Variants in MVP observed in about 807,000 individuals in gnomAD.
MVP encodes major vault protein.
MVP carries 62 observed loss-of-function variants against 83.5 expected under a neutral mutation model. The observed-to-expected ratio is 0.74, with a 90% CI of 0.61 to 0.92. The LOEUF is 0.92. MVP is among the 40% of genes least tolerant of loss of function. MVP has a pLI of 0.00. For missense variants in MVP, 1,000 were observed against 1,203.4 expected (o/e 0.83, Z 2.50); for synonymous variants, 505 against 504.1 (o/e 1.00, Z -0.02).
At chr16:29,825,735 C>T (rs769280385) in intron 1 of MVP, among the ~76,000 whole-genome samples, 4 of 152,134 alleles carry the variant, frequency 2.6e-5, no homozygotes, top group Admixed American at 6.5e-5. Context: ...CCAGCTGGGG[C>T]GGCAGATGGT....
chr16:29,822,321 T>TAAA (rs58807414), intron 1 of MVP, among the ~76,000 whole-genome samples: 1 of 143,540 alleles, frequency 7.0e-6, no homozygotes, highest in African/African-American at 2.5e-5. Flanking sequence ...TGTGCTGCTT[T>TAAA]AAAAAAAAAA....
intron 7 of MVP, among the ~76,000 whole-genome samples, chr16:29,837,733 G>A (rs767272169): frequency 1.8e-4 from 27 of 151,802 alleles, no homozygotes; most frequent in Non-Finnish European, 2.9e-4. Flanking sequence ...TAGCCTGGGC[G>A]ATAGAGTGAG....
intron 6 of MVP, among the ~76,000 whole-genome samples, chr16:29,836,470 A>T (rs1412276196): frequency 6.8e-6 from 1 of 147,510 alleles, no homozygotes; most frequent in Non-Finnish European, 1.5e-5. Context: ...AGCTGTACTC[A>T]GGAGGCTGAG....
At chr16:29,835,042 G>C (rs11862065) in intron 5 of MVP, 2 of 152,046 alleles carry the variant, frequency 1.3e-5, no homozygotes, top group African/African-American at 4.8e-5. Flanking sequence ...CTGGGATGCA[G>C]AATGCAGGTT....
At chr16:29,845,819 T>A (rs1344536238) in intron 11 of MVP, 44 bp from the exon 12 acceptor site, 1 of 1,582,860 alleles carries the variant, frequency 6.3e-7, no homozygotes, top group East Asian at 2.2e-5. Flanking sequence ...CTGTTCCTGC[T>A]CTGGCCCCAT....
chr16:29,822,496 G>A (rs905738349), intron 1 of MVP: 1 of 152,124 alleles, frequency 6.6e-6, no homozygotes, highest in Admixed American at 6.6e-5. Flanking sequence ...ACTCTGTGAA[G>A]TTGTGTCCTT....
intron 1 of MVP, among the ~76,000 whole-genome samples, chr16:29,822,849 C>A (rs1187181056): frequency 6.6e-6 from 1 of 152,192 alleles, no homozygotes; most frequent in Non-Finnish European, 1.5e-5. Flanking sequence ...TCCCGAGTAG[C>A]TGAGACTACA....
In MVP at chr16:29,830,505, C is replaced by T; in HGVS notation, c.-35-10C>T. 4 of 1,605,448 alleles carry T rather than the reference C, an allele frequency of 2.5e-6. No homozygotes were observed. Among genetic ancestry groups the T allele is most frequent in the Admixed American group, 1.7e-5 (1 of 59,400 alleles). On this transcript the variant is annotated splice_polypyrimidine_tract_variant and intron_variant, in intron 1 of 14. Coordinates refer to ENST00000357402, the MANE Select transcript of MVP (RefSeq NM_005115.5). Reference sequence around the variant, plus strand: ...CAGGTTCATCCTGTGTCGTCTCCCCCACCTACCAGTCATCTTCTTGTGAGC... The same window carrying T: ...CAGGTTCATCCTGTGTCGTCTCCCCTACCTACCAGTCATCTTCTTGTGAGC...
chr16:29,841,840 G>T lies in MVP; in HGVS notation c.1436G>T (p.Arg479Leu). ...TACGACTACCGAGAGAAGCGAGCCC[G>T]GTGAGTGCTGGCAGCGCAGGGTGTA... is the stretch of plus-strand genomic sequence containing the variant. ...QVYDYREKRA[R>L]VVFGPELVSL... The change falls in exon 9 of 15, where the codon CGC becomes CTC. Residue 479 changes from arginine (R) to leucine (L), a missense_variant and splice_region_variant. Transcript: ENST00000357402. The surrounding 1 kb of genome is among the most constrained non-coding windows in gnomAD (Gnocchi z 4.7). The T allele has an allele frequency of 6.2e-7, 1 of 1,608,978 alleles. No homozygotes were observed. Among genetic ancestry groups the T allele is most frequent in the Non-Finnish European group, 8.5e-7 (1 of 1,179,760 alleles).
chr16:29,839,759 C>T (rs2067517686), intron 7 of MVP, among the ~76,000 whole-genome samples: 1 of 114,004 alleles, frequency 8.8e-6, no homozygotes, highest in Non-Finnish European at 1.6e-5. Context: ...ACTATCCAGC[C>T]TGGGCAAGAG....
At chr16:29,846,080 C>T (rs2067582562) in intron 12 of MVP, 78 bp from the exon 13 acceptor site, 3 of 1,604,786 alleles carry the variant, frequency 1.9e-6, no homozygotes, top group Non-Finnish European at 2.6e-6. Context: ...TGAGACAGTG[C>T]ACGGCTACAG....
Position 29,833,774 on chromosome 16 carries a change from C to A in MVP, c.363C>A (p.Leu121=). 3 of 1,614,110 alleles carry A rather than the reference C, an allele frequency of 1.9e-6. No homozygotes were observed. The highest frequency in any genetic ancestry group is 2.5e-6 in the Non-Finnish European group (3 of 1,180,030). Residue 121 remains leucine (L), a synonymous_variant, in exon 4 of 15, where the codon CTC becomes CTA. Coordinates refer to ENST00000357402, the MANE Select transcript of MVP (RefSeq NM_005115.5). ...AGGTGGTTCTGCCCAACACTGCCCT[C>A]CATCTAAAGGCGCTGCTTGATTTTG... is the stretch of plus-strand genomic sequence containing the variant. ...PLQVVLPNTA[L]HLKALLDFED...
intron 13 of MVP, 48 bp downstream of exon 13, chr16:29,846,332 A>G: frequency 6.6e-7 from 1 of 1,526,262 alleles, no homozygotes; most frequent in Non-Finnish European, 8.8e-7. Flanking sequence ...AGTCCTGGAA[A>G]AGGCCCATTC....
At chr16:29,840,666 G>C (rs1335111152) in intron 8 of MVP, among the ~76,000 whole-genome samples, 3 of 152,160 alleles carry the variant, frequency 2.0e-5, no homozygotes, top group Non-Finnish European at 2.9e-5. Context: ...AACCAACCAG[G>C]TGCGGTAGCT....
chr16:29,833,660 C>T (rs2067462303), intron 3 of MVP, 73 bp from the exon 4 acceptor site: 1 of 1,596,438 alleles, frequency 6.3e-7, no homozygotes, highest in Non-Finnish European at 8.6e-7. Flanking sequence ...TGTGGACCCG[C>T]CTCCAGAGCA....
Position 29,840,427 on chromosome 16 carries a change from G to A in MVP, c.1159G>A (p.Gly387Ser), listed in dbSNP as rs556301357. ...GGCCATCCCTCTAGACGAGAACGAG[G>A]GCATCTATGTGCAGGATGTCAAGAC... is the stretch of plus-strand genomic sequence containing the variant. Reference protein sequence around the residue: ...RQAIPLDENEGIYVQDVKTGK... With the variant: ...RQAIPLDENESIYVQDVKTGK... Residue 387 changes from glycine (G) to serine (S), a missense_variant, in exon 8 of 15, where the codon GGC (glycine) becomes AGC (serine). Transcript: ENST00000357402. The A allele has an allele frequency of 1.3e-6, 2 of 1,578,868 alleles. No homozygotes were observed. The highest frequency in any genetic ancestry group is 1.2e-5 in the South Asian group (1 of 86,466).
intron 8 of MVP, among the ~76,000 whole-genome samples, chr16:29,840,837 G>A (rs1001469654): frequency 6.6e-6 from 1 of 152,074 alleles, no homozygotes; most frequent in Non-Finnish European, 1.5e-5. Flanking sequence ...ATACTTGGGA[G>A]GCTGAGACAG....
At position 29,847,238 on chromosome 16, in the gene MVP, A is replaced by G; in HGVS notation, c.2307A>G (p.Glu769=). The change falls in exon 14 of 15, where the codon GAA becomes GAG. Residue 769 remains glutamate, a synonymous_variant. Coordinates refer to ENST00000357402, the MANE Select transcript of MVP (RefSeq NM_005115.5). ...GGGTCCAGAAGGTCCGAGAGCTGGA[A>G]CTGGTCTATGCCCGGGCCCAGCTGG... ...LQRVQKVREL[E]LVYARAQLEL... The G allele has an allele frequency of 6.2e-7, 1 of 1,613,706 alleles. No homozygotes were observed. Among genetic ancestry groups the G allele is most frequent in the Non-Finnish European group, 8.5e-7 (1 of 1,179,994 alleles).
chr16:29,831,248 G>T (rs1467679913), intron 3 of MVP, among the ~76,000 whole-genome samples, 175 bp downstream of exon 3: 1 of 152,056 alleles, frequency 6.6e-6, no homozygotes, highest in Non-Finnish European at 1.5e-5. Flanking sequence ...GCTCCACCTG[G>T]GTTCAAGTGA....
Sources: gnomAD v4.1 joint callset for allele counts (sites outside exome capture counted in the v4.1 genomes callset) on GRCh38, gnomAD v4.1.1 for gene constraint, Gnocchi (gnomAD v3.1) non-coding constraint, MANE v1.5 for transcripts, NCBI Gene and HGNC (gene_info 2026-07-23, HGNC 2026-07-21) for gene names.